Variants in STK32B observed in about 807,000 individuals in gnomAD.
The protein encoded by STK32B is serine/threonine kinase 32B.
STK32B carries 43 observed loss-of-function variants against 52.6 expected under a neutral mutation model. The ratio of observed to expected loss-of-function variants is 0.82; its 90% CI spans 0.64 to 1.05. The LOEUF (loss-of-function observed/expected upper bound fraction) is 1.05. Ranked by LOEUF, STK32B falls within the 50% of genes least tolerant of loss-of-function variation. The pLI is 0.00. For missense variants in STK32B, 621 were observed against 534.6 expected, an observed-to-expected ratio of 1.16 and a Z score of -1.59; for synonymous variants, 238 against 204.3, an observed-to-expected ratio of 1.17 and a Z score of -1.41.
chr4:5,209,540 T>C (rs903505900), intron 3 of STK32B, among the ~76,000 whole-genome samples: 5 of 152,286 alleles, frequency 3.3e-5, no homozygotes, highest in Middle Eastern at 3.4e-3. Context: ...TTACGATTTC[T>C]TGAATGGGGC....
At chr4:5,290,752 TAAATA>T (rs904408085) in intron 3 of STK32B, among the ~76,000 whole-genome samples, 7 of 91,346 alleles carry the variant, frequency 7.7e-5, no homozygotes, top group African/African-American at 1.3e-4. Context: ...TTGAAAAACT[TAAATA>T]AGATATACAT....
At position 5,322,055 on chromosome 4, in the gene STK32B, T is replaced by A. The variant is rs533161535; in HGVS notation, c.261-9165T>A. Reference sequence around the variant, plus strand: ...AGTGGGGGTGGGGGGTTGGGCTGGCTGAACACAGTGGCTCACACCTGTAAT... The same window carrying A: ...AGTGGGGGTGGGGGGTTGGGCTGGCAGAACACAGTGGCTCACACCTGTAAT... On this transcript the variant is annotated intron_variant, in intron 3 of 11. Transcript: ENST00000282908. 4.1e-5 allele frequency among the ~76,000 whole-genome samples: 6 copies of A among 147,972 alleles called. No individual in the cohort carries two copies. The South Asian group carries it at 1.3e-3, about 32-fold the overall frequency.
intron 3 of STK32B, among the ~76,000 whole-genome samples, chr4:5,259,094 T>A (rs968726294): frequency 2.0e-5 from 3 of 152,190 alleles, no homozygotes; most frequent in Admixed American, 2.0e-4. Context: ...CTCAACAACA[T>A]CTTCTCAAGA....
In STK32B at chr4:5,372,723, G is replaced by GT. The variant is rs1560361695; in HGVS notation, c.435-25484_435-25483insT. On this transcript the variant is annotated intron_variant, in intron 4 of 11. Transcript: ENST00000282908. Reference sequence around the variant, plus strand: ...CGTGGCCTCAGCAGGAGAAAGTTGGGGGGGGGGGCGGTTATTTCAGACTAA... The same window carrying GT: ...CGTGGCCTCAGCAGGAGAAAGTTGGGTGGGGGGGGCGGTTATTTCAGACTAA... 8.0e-5 allele frequency among the ~76,000 whole-genome samples: 12 copies of GT among 150,226 alleles called. No individual in the cohort carries two copies. In the South Asian group the frequency reaches 2.6e-3, roughly 32 times the overall value.
At chr4:5,186,961 A>C (rs1448743756) in intron 3 of STK32B, among the ~76,000 whole-genome samples, 1 of 152,126 alleles carries the variant, frequency 6.6e-6, no homozygotes, top group East Asian at 1.9e-4. Flanking sequence ...ACCTGCCCGC[A>C]CTCCGACACT....
chr4:5,438,574 G>A (rs946290625), intron 6 of STK32B, among the ~76,000 whole-genome samples: 1 of 152,166 alleles, frequency 6.6e-6, no homozygotes, highest in African/African-American at 2.4e-5. Context: ...AGAGGAAGCG[G>A]AGGTTGGAGT....
intron 4 of STK32B, among the ~76,000 whole-genome samples, chr4:5,363,545 G>A (rs748608596): frequency 6.6e-6 from 1 of 152,150 alleles, no homozygotes; most frequent in Non-Finnish European, 1.5e-5. Flanking sequence ...TACTAAGCCT[G>A]ACATTGCTTT....
intron 3 of STK32B, among the ~76,000 whole-genome samples, chr4:5,235,364 G>T (rs1033192706): frequency 2.1e-4 from 32 of 152,158 alleles, no homozygotes. Context: ...GTAGGACCAG[G>T]GGTAAGTTAC....
chr4:5,333,360 G>A (rs1732405555), intron 4 of STK32B, among the ~76,000 whole-genome samples: 3 of 152,112 alleles, frequency 2.0e-5, no homozygotes, highest in Admixed American at 1.3e-4. Flanking sequence ...TGAGTTCATT[G>A]TAGATTCTGG....
intron 1 of STK32B, among the ~76,000 whole-genome samples, chr4:5,111,063 A>G (rs1035470050): frequency 1.6e-4 from 25 of 152,172 alleles, no homozygotes; most frequent in African/African-American, 5.6e-4. Flanking sequence ...CCACATTGAG[A>G]TATCATCTTA....
At chr4:5,427,685 A>G (rs576941397) in intron 6 of STK32B, among the ~76,000 whole-genome samples, 30 of 152,260 alleles carry the variant, frequency 2.0e-4, no homozygotes, top group African/African-American at 6.5e-4. Context: ...ATGTTAGGGC[A>G]TACAGTTATG....
At chr4:5,373,413 G>C (rs552991678) in intron 4 of STK32B, among the ~76,000 whole-genome samples, 4 of 152,146 alleles carry the variant, frequency 2.6e-5, no homozygotes, top group Non-Finnish European at 5.9e-5. Flanking sequence ...GTTTGAGTCC[G>C]AAGGTAGTAA....
intron 4 of STK32B, among the ~76,000 whole-genome samples, chr4:5,363,798 A>G (rs977023048): frequency 3.3e-5 from 5 of 151,862 alleles, no homozygotes; most frequent in Admixed American, 2.0e-4. Context: ...TGTGTGAGAG[A>G]TTTTCCTTTG....
rs537408308 is a variant in STK32B, at chr4:5,429,337, G to A, written c.562+12403G>A. Reference sequence around the variant, plus strand: ...TAAATCTATCATCTTGCCTTTTCTTGTATTTGTTTCATTTGGTCTTTGTTC... The same window carrying A: ...TAAATCTATCATCTTGCCTTTTCTTATATTTGTTTCATTTGGTCTTTGTTC... On this transcript the variant is annotated intron_variant, in intron 6 of 11. Coordinates refer to ENST00000282908, the MANE Select transcript of STK32B (RefSeq NM_018401.3). 1.6e-3 allele frequency among the ~76,000 whole-genome samples: 244 copies of A among 151,874 alleles called. 2 individuals are homozygous for A. Among genetic ancestry groups the A allele is most frequent in the Admixed American group, 2.9e-3 (44 of 15,264 alleles).
intron 2 of STK32B, among the ~76,000 whole-genome samples, chr4:5,156,810 A>G (rs188916188): frequency 1.7e-4 from 26 of 152,306 alleles, no homozygotes; most frequent in East Asian, 1.5e-3. Context: ...ATGCCCCTCA[A>G]AGGAAGATTC....
At chr4:5,316,291 T>C (rs1730717156) in intron 3 of STK32B, among the ~76,000 whole-genome samples, 1 of 63,712 alleles carries the variant, frequency 1.6e-5, no homozygotes, top group Non-Finnish European at 2.4e-5. Flanking sequence ...TTATATACAA[T>C]ATTATATATA....
At chr4:5,035,994 C>G in the STK32B span, among the ~76,000 whole-genome samples, 2 of 151,988 alleles carry the variant, frequency 1.3e-5, no homozygotes, top group Non-Finnish European at 2.9e-5. Flanking sequence ...GTTGTTCAGG[C>G]TGGTTTTGAA....
chr4:5,174,849 G>A (rs1719703110), intron 3 of STK32B, among the ~76,000 whole-genome samples: 1 of 152,154 alleles, frequency 6.6e-6, no homozygotes, highest in Non-Finnish European at 1.5e-5. Context: ...ATGTTGGCCT[G>A]CCTTGCTAGA....
chr4:5,056,674 C>T (rs1742018197), intron 1 of STK32B, among the ~76,000 whole-genome samples: 1 of 152,272 alleles, frequency 6.6e-6, no homozygotes, highest in South Asian at 2.1e-4. Context: ...GAAAATGTCC[C>T]ACGGTTACTT....
Sources: gnomAD v4.1 joint callset for allele counts (sites outside exome capture counted in the v4.1 genomes callset) on GRCh38, gnomAD v4.1.1 for gene constraint, MANE v1.5 for transcripts, NCBI Gene and HGNC (gene_info 2026-07-23, HGNC 2026-07-21) for gene names.